Variants in FRAS1 observed in about 807,000 individuals in gnomAD.
FRAS1 encodes extracellular matrix organizing protein FRAS1.
FRAS1 carries 290 observed loss-of-function variants against 435.2 expected under a neutral mutation model. The observed-to-expected ratio is 0.67, with a 90% CI of 0.61 to 0.73. FRAS1 has a LOEUF of 0.73. FRAS1 is among the 30% of genes least tolerant of loss of function. The probability of loss-of-function intolerance (pLI) is 0.00; values close to 1 mark genes in which losing one functional copy is unlikely to be tolerated. For missense variants in FRAS1, 4,860 were observed against 5,001.5 expected, an observed-to-expected ratio of 0.97 and a Z score of 0.85; for synonymous variants, 1,800 against 1,851.0, an observed-to-expected ratio of 0.97 and a Z score of 0.71.
intron 2 of FRAS1, among the ~76,000 whole-genome samples, chr4:78,150,468 TG>T (rs1415046348): frequency 8.5e-5 from 13 of 152,222 alleles, no homozygotes; most frequent in African/African-American, 2.7e-4. Context: ...TCAACAGTGA[TG>T]TTAAGATGTT....
intron 18 of FRAS1, among the ~76,000 whole-genome samples, chr4:78,324,035 G>C (rs1289948290): frequency 6.6e-6 from 1 of 152,046 alleles, no homozygotes; most frequent in Non-Finnish European, 1.5e-5. Context: ...ACCACAGTTT[G>C]GAGAAGCAAA....
intron 34 of FRAS1, among the ~76,000 whole-genome samples, chr4:78,423,865 C>G (rs1204966344): frequency 6.6e-6 from 1 of 152,168 alleles, no homozygotes; most frequent in East Asian, 1.9e-4. Flanking sequence ...GAAAACATGT[C>G]AGCCGTGGTT....
At chr4:78,098,602 C>A (rs2109914081) in intron 2 of FRAS1, among the ~76,000 whole-genome samples, 1 of 152,166 alleles carries the variant, frequency 6.6e-6, no homozygotes, top group East Asian at 1.9e-4. Flanking sequence ...CTTCAAGGCA[C>A]CAGATCCACC....
chr4:78,444,095 T>C, intron 41 of FRAS1: 4 of 441,658 alleles, frequency 9.1e-6, no homozygotes, highest in South Asian at 1.6e-5. Context: ...GCTCAAGCAA[T>C]CCTCCTGCCT....
At chr4:78,074,181 G>A (rs539596302) in intron 2 of FRAS1, among the ~76,000 whole-genome samples, 2 of 151,748 alleles carry the variant, frequency 1.3e-5, no homozygotes, top group East Asian at 1.9e-4. Context: ...GATCAGGGAG[G>A]GGAGGGTGTC....
At chr4:78,411,621 C>G (rs1056061667) in intron 31 of FRAS1, among the ~76,000 whole-genome samples, 1 of 152,172 alleles carries the variant, frequency 6.6e-6, no homozygotes, top group Admixed American at 6.5e-5. Flanking sequence ...ATTCAGGTCA[C>G]TTTGACACAG....
Position 78,183,112 on chromosome 4 carries a change from G to GAA in FRAS1, c.109-54397_109-54396insAA, listed in dbSNP as rs545413567. 2.6e-3 allele frequency among the ~76,000 whole-genome samples: 402 copies of GAA among 152,306 alleles called. 3 individuals are homozygous for GAA. Among genetic ancestry groups the GAA allele is most frequent in the African/African-American group, 8.6e-3 (358 of 41,554 alleles). ...GTCTCTGATGTTGAGACAGGGTCGA[G>GAA]AGTGTCCAGAGTTGTAGTGGGTCAA... On this transcript the variant is annotated intron_variant, in intron 2 of 73. Transcript: ENST00000512123.
In FRAS1 at chr4:78,317,461, T is replaced by C. The variant is rs1354892507; in HGVS notation, c.1913T>C (p.Leu638Pro). 4 of 1,613,784 alleles carry C rather than the reference T, an allele frequency of 2.5e-6. No individual in the cohort carries two copies. Among genetic ancestry groups the C allele is most frequent in the Admixed American group, 1.7e-5 (1 of 60,002 alleles). Residue 638 changes from leucine to proline, a missense_variant, in exon 17 of 74, where the codon CTG becomes CCG. Transcript: ENST00000512123. ...PPKALRQGHC[L>P]PRCGEGFYSD... ...AAGGCTCTGCGTCAAGGCCACTGTCTGCCCCGCTGTGGAGAGGGTTTCTAC... is the reference window on the plus strand; with the variant it reads ...AAGGCTCTGCGTCAAGGCCACTGTCCGCCCCGCTGTGGAGAGGGTTTCTAC...
intron 18 of FRAS1, among the ~76,000 whole-genome samples, chr4:78,321,838 CAAAA>C (rs35661816): frequency 5.6e-5 from 6 of 106,258 alleles, no homozygotes; most frequent in Admixed American, 9.5e-5. Flanking sequence ...AAAACTTCGT[CAAAA>C]AAAAAAAAAA....
chr4:78,181,043 A>G, intron 2 of FRAS1: 3 of 1,581,832 alleles, frequency 1.9e-6, no homozygotes, highest in Non-Finnish European at 8.7e-7. Context: ...GAGACGTTAT[A>G]TCATTTGCTG....
intron 2 of FRAS1, among the ~76,000 whole-genome samples, chr4:78,124,689 T>G (rs1366160253): frequency 2.0e-5 from 3 of 152,234 alleles, no homozygotes; most frequent in Admixed American, 6.5e-5. Flanking sequence ...AACTTCTTCC[T>G]GGTTTAGTCT....
rs775743730 is a variant in FRAS1, at chr4:78,237,592, G to A, written c.191G>A (p.Arg64Lys). Reference sequence around the variant, plus strand: ...GTTATCTGCAAACCTGCTGTTTGCAGAAACCCTCAATGTGCCTTTGAGAAG... The same window carrying A: ...GTTATCTGCAAACCTGCTGTTTGCAAAAACCCTCAATGTGCCTTTGAGAAG... ...DIVICKPAVC[R>K]NPQCAFEKGE... is the part of the protein sequence containing the mutation. Residue 64 changes from arginine to lysine, a missense_variant, in exon 3 of 74, where the codon AGA (arginine) becomes AAA (lysine). Coordinates refer to ENST00000512123, the MANE Select transcript of FRAS1 (RefSeq NM_025074.7). 3.5e-5 allele frequency: 57 copies of A among 1,610,394 alleles called. 3 individuals are homozygous for A. In the South Asian group the frequency reaches 6.0e-4, roughly 17 times the overall value.
intron 18 of FRAS1, chr4:78,319,511 T>G: frequency 2.3e-6 from 1 of 433,296 alleles, no homozygotes; most frequent in Non-Finnish European, 4.7e-6. Context: ...AGGGAAGTAT[T>G]ATAGTTTCCT....
At chr4:78,444,088 C>T (rs1328773197) in intron 41 of FRAS1, 7 of 438,734 alleles carry the variant, frequency 1.6e-5, no homozygotes, top group Non-Finnish European at 3.2e-5. Flanking sequence ...GTCCTGGGCT[C>T]AAGCAATCCT....
intron 58 of FRAS1, among the ~76,000 whole-genome samples, chr4:78,485,601 T>C (rs1049124891): frequency 4.6e-5 from 7 of 152,332 alleles, no homozygotes; most frequent in East Asian, 1.9e-4. Context: ...TTCCTAGTAA[T>C]AACGAACTTT....
At chr4:78,381,460 T>G (rs140119336) in intron 27 of FRAS1, among the ~76,000 whole-genome samples, 2,007 of 152,302 alleles carry the variant, frequency 0.013, 47 homozygotes, top group African/African-American at 0.045. Context: ...CAGCTAATTT[T>G]TGTATTTTTA....
At chr4:78,533,280 T>A (rs1448041234) in intron 70 of FRAS1, among the ~76,000 whole-genome samples, 1 of 152,252 alleles carries the variant, frequency 6.6e-6, no homozygotes, top group Non-Finnish European at 1.5e-5. Context: ...ACAGATGAAT[T>A]CCTATTACTA....
At chr4:78,206,396 C>T (rs973073825) in intron 2 of FRAS1, among the ~76,000 whole-genome samples, 1 of 152,182 alleles carries the variant, frequency 6.6e-6, no homozygotes, top group Non-Finnish European at 1.5e-5. Flanking sequence ...AGCTGCCCAG[C>T]TGACACCTTG....
chr4:78,473,312 G>A (rs1719763544), intron 52 of FRAS1, 126 bp from the exon 53 acceptor site: 1 of 663,068 alleles, frequency 1.5e-6, no homozygotes, highest in Non-Finnish European at 2.5e-6. Context: ...CTATACTTTT[G>A]GTGCTTGGAA....
Sources: allele counts gnomAD v4.1 joint callset (sites outside exome capture counted in the v4.1 genomes callset), GRCh38; gene constraint gnomAD v4.1.1; transcripts MANE v1.5; gene names NCBI Gene and HGNC (gene_info 2026-07-23, HGNC 2026-07-21).